Variants in DPYD observed in about 807,000 individuals in gnomAD.
DPYD encodes dihydropyrimidine dehydrogenase [NADP(+)].
In DPYD, 109 loss-of-function variants were observed where a neutral mutation model predicts 116.2. The observed-to-expected ratio is 0.94, with a 90% CI of 0.80 to 1.10. The LOEUF (loss-of-function observed/expected upper bound fraction) is 1.10. Among genes scored for constraint, DPYD ranks in the 50% least tolerant of loss-of-function variants. The pLI is 0.00. For synonymous variants in DPYD, 440 were observed against 432.0 expected (o/e 1.02, Z -0.23); for missense variants, 1,302 against 1,254.5 (o/e 1.04, Z -0.57).
intron 3 of DPYD, among the ~76,000 whole-genome samples, chr1:97,748,867 T>C (rs1225965188): frequency 6.6e-6 from 1 of 152,184 alleles, no homozygotes; most frequent in East Asian, 1.9e-4. Context: ...AAAAATATTC[T>C]TCTAAAATAA....
chr1:97,679,300 T>C lies in DPYD; in HGVS notation c.763-118A>G, dbSNP rs3790387. On this transcript the variant is annotated intron_variant, in intron 7 of 22. Transcript: ENST00000370192. ...AAATTCTATGAGATTCCATATAAAA[T>C]GTGACAACATTTTTGTCTTTTAGTA... 0.099 allele frequency: 57,807 copies of C among 581,458 alleles called. 3,377 individuals carry two copies. The highest frequency in any genetic ancestry group is 0.15 in the Middle Eastern group (322 of 2,120). The allele number at this position is 581,458 out of a possible 1,614,324, so 36.0% of individuals were successfully genotyped here. A position where few individuals can be genotyped will look rare whatever the true frequency, so the allele number is the denominator to read the frequency against.
At chr1:97,409,406 T>G (rs1367091033) in intron 14 of DPYD, among the ~76,000 whole-genome samples, 2 of 152,144 alleles carry the variant, frequency 1.3e-5, no homozygotes, top group South Asian at 2.1e-4. Flanking sequence ...GTCTTCTATC[T>G]CATCATGTCC....
intron 19 of DPYD, among the ~76,000 whole-genome samples, chr1:97,218,388 T>C (rs1660554653): frequency 1.3e-5 from 2 of 152,078 alleles, no homozygotes; most frequent in South Asian, 4.2e-4. Context: ...TATATACAGG[T>C]ATAAGGTAGA....
intron 3 of DPYD, among the ~76,000 whole-genome samples, chr1:97,805,112 C>A (rs1475068855): frequency 6.6e-6 from 1 of 151,780 alleles, no homozygotes. Context: ...AGATGCAGAA[C>A]CCTGGGAATG....
chr1:97,740,087 C>G (rs1307078875), intron 4 of DPYD, among the ~76,000 whole-genome samples: 3 of 151,992 alleles, frequency 2.0e-5, no homozygotes, highest in Admixed American at 6.6e-5. Context: ...AATGACAGTT[C>G]TTGTCTATTA....
intron 8 of DPYD, among the ~76,000 whole-genome samples, chr1:97,645,617 C>T (rs575153675): frequency 1.3e-5 from 2 of 151,906 alleles, no homozygotes; most frequent in African/African-American, 4.8e-5. Context: ...TGATCTAATG[C>T]TATATTATTT....
chr1:97,230,908 G>T (rs1661551274), intron 19 of DPYD, among the ~76,000 whole-genome samples: 2 of 152,142 alleles, frequency 1.3e-5, no homozygotes, highest in Non-Finnish European at 2.9e-5. Flanking sequence ...CAGTTCCAGG[G>T]TCCTTTCATG....
intron 13 of DPYD, among the ~76,000 whole-genome samples, chr1:97,456,173 A>G (rs778735849): frequency 2.6e-5 from 4 of 151,884 alleles, no homozygotes; most frequent in African/African-American, 4.8e-5. Flanking sequence ...CTTATGTGAT[A>G]TGGATAATAA....
chr1:97,837,048 T>C (rs534292711), intron 2 of DPYD, among the ~76,000 whole-genome samples: 9 of 152,148 alleles, frequency 5.9e-5, no homozygotes, highest in Non-Finnish European at 8.8e-5. Flanking sequence ...CAATCATTTT[T>C]AAGTCACAAA....
chr1:97,604,328 G>A (rs1264529377), intron 8 of DPYD, among the ~76,000 whole-genome samples: 1 of 152,050 alleles, frequency 6.6e-6, no homozygotes. Context: ...GAACTGTTAT[G>A]TGGACAAGTA....
intron 5 of DPYD, among the ~76,000 whole-genome samples, chr1:97,705,963 C>T (rs1002008500): frequency 6.6e-6 from 1 of 151,848 alleles, no homozygotes; most frequent in Non-Finnish European, 1.5e-5. Context: ...TATCCTTCGC[C>T]CACTTTTTGA....
chr1:97,888,041 C>T (rs912475920), intron 1 of DPYD, among the ~76,000 whole-genome samples: 9 of 151,978 alleles, frequency 5.9e-5, no homozygotes, highest in African/African-American at 1.9e-4. Flanking sequence ...TGCCCAGTCT[C>T]GGGCAGTTCT....
intron 10 of DPYD, among the ~76,000 whole-genome samples, chr1:97,577,305 C>T (rs1230450074): frequency 2.6e-5 from 4 of 152,146 alleles, no homozygotes; most frequent in Non-Finnish European, 4.4e-5. Context: ...TCACCACATC[C>T]CTATGAAACG....
At chr1:97,444,110 C>T (rs1398719040) in intron 14 of DPYD, among the ~76,000 whole-genome samples, 1 of 152,170 alleles carries the variant, frequency 6.6e-6, no homozygotes, top group Non-Finnish European at 1.5e-5. Context: ...CATAAAATAT[C>T]CTTAGCTGGG....
intron 20 of DPYD, among the ~76,000 whole-genome samples, chr1:97,100,448 A>G (rs1650585974): frequency 6.6e-6 from 1 of 152,030 alleles, no homozygotes; most frequent in South Asian, 2.1e-4. Flanking sequence ...TAATATACTC[A>G]AAGACTATCA....
At chr1:97,410,114 G>T (rs11165865) in intron 14 of DPYD, among the ~76,000 whole-genome samples, 21,685 of 150,848 alleles carry the variant, frequency 0.14, 1,670 homozygotes, top group South Asian at 0.27. Flanking sequence ...AACTACAAAC[G>T]ACCTCCTCCC....
chr1:97,612,457 G>A (rs1202832130), intron 8 of DPYD, among the ~76,000 whole-genome samples: 4 of 152,036 alleles, frequency 2.6e-5, no homozygotes, highest in South Asian at 2.1e-4. Flanking sequence ...AGGGGTTAAT[G>A]GTAAAACAAG....
chr1:97,789,877 C>T (rs1667225209), intron 3 of DPYD, among the ~76,000 whole-genome samples: 1 of 152,046 alleles, frequency 6.6e-6, no homozygotes, highest in Admixed American at 6.5e-5. Flanking sequence ...AGCTTTAACA[C>T]AATATGATTA....
chr1:97,714,149 A>T (rs954030100), intron 5 of DPYD, among the ~76,000 whole-genome samples: 2 of 152,132 alleles, frequency 1.3e-5, no homozygotes, highest in Non-Finnish European at 1.5e-5. Flanking sequence ...AGGCATTCCA[A>T]AATAAAATAA....
Sources: allele counts gnomAD v4.1 joint callset (sites outside exome capture counted in the v4.1 genomes callset), GRCh38; gene constraint gnomAD v4.1.1; transcripts MANE v1.5; gene names NCBI Gene and HGNC (gene_info 2026-07-23, HGNC 2026-07-21).